Variants in UBR3 observed in about 807,000 individuals in gnomAD.
UBR3 encodes ubiquitin protein ligase E3 component n-recognin 3, also known as E3 ubiquitin-protein ligase UBR3.
In UBR3, 85 loss-of-function variants were observed where a neutral mutation model predicts 243.2. The ratio of observed to expected loss-of-function variants is 0.35; its 90% CI spans 0.29 to 0.42. The LOEUF (loss-of-function observed/expected upper bound fraction) is 0.42, where lower values mean the gene tolerates loss of function less well. Among genes scored for constraint, UBR3 ranks in the 10% least tolerant of loss-of-function variants. UBR3 has a pLI of 1.00. For missense variants in UBR3, 1,686 were observed against 2,300.8 expected, an observed-to-expected ratio of 0.73 and a Z score of 5.47; for synonymous variants, 748 against 799.8, an observed-to-expected ratio of 0.94 and a Z score of 1.09.
At chr2:169,846,763 C>T (rs59693858) in intron 1 of UBR3, among the ~76,000 whole-genome samples, 6,543 of 151,986 alleles carry the variant, frequency 0.043, 164 homozygotes, top group Middle Eastern at 0.068. Flanking sequence ...GACAGCATCT[C>T]ACCCTGTCAT....
At chr2:169,836,768 GTT>G (rs1484414991) in intron 1 of UBR3, among the ~76,000 whole-genome samples, 2 of 151,622 alleles carry the variant, frequency 1.3e-5, no homozygotes, top group Non-Finnish European at 2.9e-5. Context: ...CTTTTCATAT[GTT>G]TTGGGGCCAT....
At chr2:169,844,648 T>C (rs1353352272) in intron 1 of UBR3, among the ~76,000 whole-genome samples, 1 of 151,850 alleles carries the variant, frequency 6.6e-6, no homozygotes, top group East Asian at 1.9e-4. Flanking sequence ...TGTGCACCAC[T>C]GCGCCTAGCT....
In UBR3 at chr2:169,950,065, G is replaced by T; in HGVS notation, c.3545G>T (p.Arg1182Met). ...AAGAAAACATTGGACAAAGAAGAAAGGTAATTTTTATTTTTAATGTTTTAA... is the reference window on the plus strand; with the variant it reads ...AAGAAAACATTGGACAAAGAAGAAATGTAATTTTTATTTTTAATGTTTTAA... ...AEKKTLDKEE[R>M]RQKARERQQK... The change falls in exon 23 of 39, where the codon AGG becomes ATG. Residue 1182 changes from arginine (R) to methionine (M), a missense_variant and splice_region_variant. Around this residue, in one of 8 missense-constraint regions of UBR3, gnomAD observed 156 missense variants for 246.3 expected, o/e 0.63. Transcript: ENST00000272793. The T allele has an allele frequency of 6.5e-7, 1 of 1,535,282 alleles. No individual in the cohort carries two copies. Among genetic ancestry groups the T allele is most frequent in the Non-Finnish European group, 8.7e-7 (1 of 1,145,348 alleles).
intron 19 of UBR3, among the ~76,000 whole-genome samples, chr2:169,940,594 C>A (rs2086543393): frequency 6.6e-6 from 1 of 152,194 alleles, no homozygotes; most frequent in African/African-American, 2.4e-5. Context: ...GTTGCCTTTG[C>A]CCATGCTTCT....
chr2:169,918,593 A>G (rs190688554), intron 11 of UBR3, among the ~76,000 whole-genome samples: 67 of 151,736 alleles, frequency 4.4e-4, no homozygotes, highest in African/African-American at 1.6e-3. Flanking sequence ...AAGTGTTGAG[A>G]TTACAGGTGT....
At chr2:169,886,369 TC>T (rs1320807904) in intron 5 of UBR3, among the ~76,000 whole-genome samples, 2 of 152,134 alleles carry the variant, frequency 1.3e-5, no homozygotes, top group East Asian at 1.9e-4. Flanking sequence ...CATAAATACT[TC>T]CAATCGTAGG....
At chr2:170,017,658 A>G (rs944545762) in intron 30 of UBR3, among the ~76,000 whole-genome samples, 2 of 152,108 alleles carry the variant, frequency 1.3e-5, no homozygotes, top group African/African-American at 4.8e-5. Flanking sequence ...CTACTGAGAA[A>G]TAAAATTGAA....
chr2:169,971,873 T>A (rs148885700), intron 24 of UBR3, among the ~76,000 whole-genome samples: 26,796 of 151,922 alleles, frequency 0.18, 2,630 homozygotes, highest in East Asian at 0.37. Flanking sequence ...AGCAAGAGCA[T>A]ACACATTCAA....
chr2:169,870,119 A>G (rs77401790), intron 1 of UBR3, among the ~76,000 whole-genome samples: 6,623 of 152,272 alleles, frequency 0.043, 164 homozygotes, highest in Middle Eastern at 0.068. Context: ...AATGTATTCC[A>G]GAATATATTT....
intron 1 of UBR3, among the ~76,000 whole-genome samples, chr2:169,855,717 A>G (rs2082819122): frequency 3.3e-5 from 5 of 152,268 alleles, no homozygotes; most frequent in African/African-American, 4.8e-5. Flanking sequence ...TTCTTAGTAC[A>G]GAACAAAATG....
intron 24 of UBR3, among the ~76,000 whole-genome samples, chr2:169,975,174 AAAC>A (rs1337040028): frequency 6.6e-6 from 1 of 152,194 alleles, no homozygotes. Flanking sequence ...TGTCTCAAAA[AAAC>A]AACAACAAAA....
At chr2:170,077,280 C>T (rs919480050) in intron 36 of UBR3, 38 of 747,356 alleles carry the variant, frequency 5.1e-5, no homozygotes, top group Middle Eastern at 2.7e-4. Context: ...TTGGTAACCA[C>T]AGCCTATTTT....
In UBR3 at chr2:169,878,538, A is replaced by C; in HGVS notation, c.1002A>C (p.Ala334=). 6.4e-7 allele frequency: 1 copy of C among 1,551,486 alleles called. No homozygotes were observed. Among genetic ancestry groups the C allele is most frequent in the Non-Finnish European group, 8.7e-7 (1 of 1,146,764 alleles). The change falls in exon 5 of 39, where the codon GCA becomes GCC. Residue 334 remains alanine, a synonymous_variant. Coordinates refer to ENST00000272793, the MANE Select transcript of UBR3 (RefSeq NM_172070.4). Reference sequence around the variant, plus strand: ...TCTCCTCCAAAGGTTTCATAGGCGCAACAGGAACTTTGGGACAAGTGGATT... The same window carrying C: ...TCTCCTCCAAAGGTTTCATAGGCGCCACAGGAACTTTGGGACAAGTGGATT... ...SSLAVQGFIG[A]TGTLGQVDSS... is the part of the protein sequence containing the mutation.
intron 2 of UBR3, 99 bp from the exon 3 acceptor site, chr2:169,875,692 T>A: frequency 9.1e-7 from 1 of 1,102,782 alleles, no homozygotes; most frequent in Non-Finnish European, 1.2e-6. Context: ...TACTATAATT[T>A]AAGCCATTAT....
intron 30 of UBR3, among the ~76,000 whole-genome samples, chr2:170,020,339 T>C (rs2090356421): frequency 6.6e-6 from 1 of 152,174 alleles, no homozygotes; most frequent in South Asian, 2.1e-4. Flanking sequence ...TCAGATTTGA[T>C]GGCTAAAAGG....
chr2:170,040,803 G>GAT (rs1023796497), intron 31 of UBR3, 79 bp from the exon 32 acceptor site: 2 of 1,049,604 alleles, frequency 1.9e-6, no homozygotes, highest in East Asian at 2.7e-5. Context: ...CTGTTCCATA[G>GAT]ATATATATGT....
At chr2:169,855,472 G>C (rs1307582977) in intron 1 of UBR3, among the ~76,000 whole-genome samples, 1 of 151,988 alleles carries the variant, frequency 6.6e-6, no homozygotes, top group East Asian at 1.9e-4. Context: ...AAGGTCTCTG[G>C]TTTTCCTAGG....
intron 27 of UBR3, among the ~76,000 whole-genome samples, chr2:170,006,624 T>C (rs2089922164): frequency 6.6e-6 from 1 of 152,198 alleles, no homozygotes; most frequent in South Asian, 2.1e-4. Context: ...TTACAGATTA[T>C]GAAAACAGGG....
chr2:169,956,936 G>T (rs2087327981), intron 23 of UBR3, among the ~76,000 whole-genome samples: 1 of 152,000 alleles, frequency 6.6e-6, no homozygotes. Flanking sequence ...GGTCATTAAA[G>T]AAACTGCTGT....
Sources: gnomAD v4.1 joint callset for allele counts (sites outside exome capture counted in the v4.1 genomes callset) on GRCh38, gnomAD v4.1.1 for gene constraint, gnomAD v4.1.1 regional missense constraint, MANE v1.5 for transcripts, NCBI Gene and HGNC (gene_info 2026-07-23, HGNC 2026-07-21) for gene names.